The following LIMA1 variants were observed in gnomAD, a reference collection of about 807,000 sequenced individuals.
LIMA1 encodes LIM domain and actin-binding protein 1.
Under a neutral mutation model 62.6 loss-of-function variants are expected in LIMA1, and 52 were observed. The ratio of observed to expected loss-of-function variants is 0.83; its 90% CI spans 0.67 to 1.05. The LOEUF (loss-of-function observed/expected upper bound fraction) is 1.05. Among genes scored for constraint, LIMA1 ranks in the 50% least tolerant of loss-of-function variants. The pLI is 0.00. For missense variants in LIMA1, 780 were observed against 902.2 expected (o/e 0.86, Z 1.74); for synonymous variants, 302 against 317.8 (o/e 0.95, Z 0.53).
In LIMA1 at chr12:50,248,755, G is replaced by C. The variant is rs1941887097; in HGVS notation, c.-4C>G. 2.0e-6 allele frequency: 3 copies of C among 1,497,650 alleles called. No individual in the cohort carries two copies. Among genetic ancestry groups the C allele is most frequent in the Middle Eastern group, 1.7e-4 (1 of 5,884 alleles). The allele number at this position is 1,497,650 out of a possible 1,614,324, so 92.8% of individuals were successfully genotyped here. ...TATTAAATGGAGATGATTCCATCTT[G>C]TCTACAGACACTGAAATACCTATGC... On this transcript the variant is annotated 5_prime_UTR_variant, in exon 2 of 11. Transcript: ENST00000341247.
At chr12:50,193,507 GTATATATGA>G (rs1281561238) in intron 8 of LIMA1, among the ~76,000 whole-genome samples, 1 of 119,376 alleles carries the variant, frequency 8.4e-6, no homozygotes, top group African/African-American at 3.2e-5. Flanking sequence ...TCATATATGT[GTATATATGA>G]TATATATACA....
At chr12:50,181,135 G>A (rs1390067845) in intron 10 of LIMA1, among the ~76,000 whole-genome samples, 5 of 144,792 alleles carry the variant, frequency 3.5e-5, no homozygotes, top group Non-Finnish European at 6.0e-5. Context: ...AAAAAAAAAG[G>A]TGCTTTGGAG....
At chr12:50,243,369 A>C (rs1941804496) in intron 2 of LIMA1, among the ~76,000 whole-genome samples, 1 of 152,184 alleles carries the variant, frequency 6.6e-6, no homozygotes, top group South Asian at 2.1e-4. Flanking sequence ...CACTATTTGC[A>C]AACCCCATAA....
At chr12:50,276,636 C>G (rs58826760) in intron 1 of LIMA1, among the ~76,000 whole-genome samples, 3 of 151,872 alleles carry the variant, frequency 2.0e-5, no homozygotes, top group African/African-American at 7.3e-5. Context: ...TTTGGAAGGC[C>G]GAGGCGGGCA....
At chr12:50,254,739 A>G (rs1485071490) in intron 1 of LIMA1, among the ~76,000 whole-genome samples, 2 of 152,134 alleles carry the variant, frequency 1.3e-5, no homozygotes, top group African/African-American at 4.8e-5. Flanking sequence ...TCTCCTGACC[A>G]AGGAAACTGT....
chr12:50,253,106 G>A (rs1941950973), intron 1 of LIMA1, among the ~76,000 whole-genome samples: 1 of 152,174 alleles, frequency 6.6e-6, no homozygotes, highest in African/African-American at 2.4e-5. Flanking sequence ...AAACCCGAAT[G>A]ATGGAAGGCT....
chr12:50,273,847 G>A (rs900987230), intron 1 of LIMA1, among the ~76,000 whole-genome samples: 2 of 152,160 alleles, frequency 1.3e-5, no homozygotes, highest in African/African-American at 4.8e-5. Flanking sequence ...AAAACTTCTG[G>A]TTGTTTGTGG....
At chr12:50,219,708 GACAGGGATCTT>G (rs1442040549) in intron 4 of LIMA1, 2 of 152,010 alleles carry the variant, frequency 1.3e-5, no homozygotes, top group Non-Finnish European at 2.9e-5. Context: ...GTTTTTAAGG[GACAGGGATCTT>G]ACTGTGTTGC....
chr12:50,277,821 C>A (rs989166516), intron 1 of LIMA1, among the ~76,000 whole-genome samples: 8 of 152,132 alleles, frequency 5.3e-5, no homozygotes, highest in African/African-American at 1.7e-4. Context: ...AACAAAAAAC[C>A]AACATAATTA....
intron 1 of LIMA1, among the ~76,000 whole-genome samples, chr12:50,250,563 CAAAAAAAAA>C (rs754126420): frequency 1.1e-3 from 36 of 33,908 alleles, no homozygotes; most frequent in Admixed American, 1.4e-3. Flanking sequence ...AAGATGTTCT[CAAAAAAAAA>C]AAAAAAAAAA....
intron 2 of LIMA1, among the ~76,000 whole-genome samples, chr12:50,236,696 G>C (rs992139757): frequency 6.6e-6 from 1 of 151,898 alleles, no homozygotes; most frequent in African/African-American, 2.4e-5. Flanking sequence ...TGCTTCTTCC[G>C]TCTTTCTTGC....
In LIMA1 at chr12:50,238,299, G is replaced by A. The variant is rs543534978; in HGVS notation, c.120-6589C>T. Among the ~76,000 whole-genome samples the A allele has an allele frequency of 3.9e-5, 6 of 152,004 alleles. No homozygotes were observed. The South Asian group carries it at 8.3e-4, about 21-fold the overall frequency. ...AGGTGGGCGGATCATGTGAGGTCAG[G>A]AGTTCAAGACCAGCCTGGCCAACAT... On this transcript the variant is annotated intron_variant, in intron 2 of 10. Coordinates refer to ENST00000341247, the MANE Select transcript of LIMA1 (RefSeq NM_016357.5).
chr12:50,262,998 A>G (rs1437690224), intron 1 of LIMA1, among the ~76,000 whole-genome samples: 1 of 152,232 alleles, frequency 6.6e-6, no homozygotes, highest in East Asian at 1.9e-4. Flanking sequence ...AATGAATCTG[A>G]GACACTGCAC....
chr12:50,196,055 A>C, intron 7 of LIMA1, 168 bp from the exon 8 acceptor site: 1 of 594,140 alleles, frequency 1.7e-6, no homozygotes, highest in Non-Finnish European at 2.8e-6. Flanking sequence ...AACAAGAGGC[A>C]GCAAAATGTC....
chr12:50,198,191 A>C (rs1247334087), intron 7 of LIMA1, among the ~76,000 whole-genome samples: 1 of 152,148 alleles, frequency 6.6e-6, no homozygotes, highest in Non-Finnish European at 1.5e-5. Flanking sequence ...AGTATATCTC[A>C]TGAGTTCCTG....
intron 9 of LIMA1, 151 bp from the exon 10 acceptor site, chr12:50,182,188 A>C: frequency 1.3e-6 from 1 of 773,388 alleles, no homozygotes; most frequent in Non-Finnish European, 2.0e-6. Context: ...CTATCAGCTG[A>C]CTCTTTAAAG....
chr12:50,267,949 C>A (rs1316721380), intron 1 of LIMA1, among the ~76,000 whole-genome samples: 2 of 152,088 alleles, frequency 1.3e-5, no homozygotes, highest in African/African-American at 2.4e-5. Context: ...GCCACCGTGC[C>A]CGGCCACATT....
chr12:50,276,974 A>G (rs1565867190), intron 1 of LIMA1, among the ~76,000 whole-genome samples: 1 of 152,222 alleles, frequency 6.6e-6, no homozygotes, highest in Non-Finnish European at 1.5e-5. Flanking sequence ...TATTCTTAGA[A>G]GAGTTTATAC....
chr12:50,274,637 A>C (rs1267440377), intron 1 of LIMA1, among the ~76,000 whole-genome samples: 1 of 152,022 alleles, frequency 6.6e-6, no homozygotes, highest in Non-Finnish European at 1.5e-5. Context: ...ATTCCACTGG[A>C]GAAGCCGGAC....
Sources: gnomAD v4.1 joint callset for allele counts (sites outside exome capture counted in the v4.1 genomes callset) on GRCh38, gnomAD v4.1.1 for gene constraint, MANE v1.5 for transcripts, NCBI Gene and HGNC (gene_info 2026-07-23, HGNC 2026-07-21) for gene names.